Variants in EPS8 observed in about 807,000 individuals in gnomAD.
EPS8 encodes epidermal growth factor receptor kinase substrate 8.
EPS8 carries 42 observed loss-of-function variants against 103.8 expected under a neutral mutation model. That is an observed-to-expected ratio of 0.40 (90% CI 0.32 to 0.52). The LOEUF is 0.52. EPS8 is among the 20% of genes least tolerant of loss of function. The pLI is 0.40. For synonymous variants in EPS8, 344 were observed against 344.6 expected (o/e 1.00, Z 0.02); for missense variants, 969 against 1,005.1 (o/e 0.96, Z 0.49).
At chr12:15,670,804 T>G in intron 4 of EPS8, 52 bp downstream of exon 4, 1 of 1,240,760 alleles carries the variant, frequency 8.1e-7, no homozygotes, top group Non-Finnish European at 1.1e-6. Context: ...CTTCCAATTT[T>G]TATGTTCCTC....
chr12:15,788,367 G>GC (rs1051289973), intron 1 of EPS8, among the ~76,000 whole-genome samples: 7 of 152,130 alleles, frequency 4.6e-5, no homozygotes, highest in Non-Finnish European at 8.8e-5. Context: ...ACGGCGTCCT[G>GC]CCCCCCGCGA....
intron 15 of EPS8, among the ~76,000 whole-genome samples, chr12:15,644,384 T>G (rs559700869): frequency 1.3e-4 from 20 of 152,286 alleles, no homozygotes; most frequent in African/African-American, 4.8e-4. Flanking sequence ...CCACTTTTTT[T>G]TCCCCTTGTT....
At chr12:15,652,820 T>C (rs1030119560) in intron 13 of EPS8, among the ~76,000 whole-genome samples, 1 of 152,144 alleles carries the variant, frequency 6.6e-6, no homozygotes, top group Non-Finnish European at 1.5e-5. Context: ...TTGTATATGT[T>C]TCAATAGGAG....
intron 15 of EPS8, among the ~76,000 whole-genome samples, chr12:15,644,268 C>T (rs1485586852): frequency 2.0e-5 from 3 of 152,214 alleles, no homozygotes; most frequent in Non-Finnish European, 4.4e-5. Flanking sequence ...CGTCCGTTTT[C>T]TGTACGTCAC....
intron 20 of EPS8, among the ~76,000 whole-genome samples, chr12:15,622,272 A>T (rs1406288985): frequency 6.6e-6 from 1 of 152,224 alleles, no homozygotes; most frequent in Non-Finnish European, 1.5e-5. Context: ...ATGGAAAGCA[A>T]TCAAATCAAA....
Position 15,748,277 on chromosome 12 carries a change from C to A in EPS8, c.-22+40884G>T, listed in dbSNP as rs1241787277. Among the ~76,000 whole-genome samples, 1 of 152,092 alleles carries A rather than the reference C, an allele frequency of 6.6e-6. No homozygotes were observed. Among genetic ancestry groups the A allele is most frequent in the African/African-American group, 2.4e-5 (1 of 41,388 alleles). ...GTTTTGAAAACTTCGAAATTCTTCACAAATATCAATTAAAATATTATGAAG... is the reference window on the plus strand; with the variant it reads ...GTTTTGAAAACTTCGAAATTCTTCAAAAATATCAATTAAAATATTATGAAG... On this transcript the variant is annotated intron_variant, in intron 1 of 20. Transcript: ENST00000281172. This position sits in a 1 kb window ranked among gnomAD's most constrained non-coding sequence, Gnocchi z 4.8.
In EPS8 at chr12:15,714,311, C is replaced by T. The variant is rs907694326; in HGVS notation, c.-21-31339G>A. On this transcript the variant is annotated intron_variant, in intron 1 of 20. Coordinates refer to ENST00000281172, the MANE Select transcript of EPS8 (RefSeq NM_004447.6). This position sits in a 1 kb window ranked among gnomAD's most constrained non-coding sequence, Gnocchi z 4.1. ...TATAAAGAACATAAAACTAAAAAAT[C>T]TGTATGTTTTATAAAACCAAATTAT... Among the ~76,000 whole-genome samples, 2 of 152,098 alleles carry T rather than the reference C, an allele frequency of 1.3e-5. No homozygotes were observed. Among genetic ancestry groups the T allele is most frequent in the Non-Finnish European group, 2.9e-5 (2 of 68,010 alleles).
chr12:15,683,115 C>T (rs868701948), intron 1 of EPS8, 143 bp from the exon 2 acceptor site: 2 of 511,572 alleles, frequency 3.9e-6, no homozygotes, highest in African/African-American at 4.0e-5. Context: ...CCTCAAAGAG[C>T]TCAGGCCCCA....
intron 1 of EPS8, among the ~76,000 whole-genome samples, chr12:15,689,037 GC>G (rs1213690977): frequency 3.3e-5 from 5 of 152,172 alleles, no homozygotes; most frequent in African/African-American, 1.2e-4. Flanking sequence ...GACATTGCAT[GC>G]CCTGCGAGGG....
chr12:15,671,374 AG>A (rs1365121911), intron 3 of EPS8, among the ~76,000 whole-genome samples: 1 of 152,144 alleles, frequency 6.6e-6, no homozygotes, highest in African/African-American at 2.4e-5. Flanking sequence ...AGGCATTACA[AG>A]GAACATCTCC....
rs369867686 is a variant in EPS8, at chr12:15,669,705, C to G, written c.325G>C (p.Val109Leu). The G allele has an allele frequency of 4.3e-6, 7 of 1,612,702 alleles. No homozygotes were observed. Among genetic ancestry groups the G allele is most frequent in the Non-Finnish European group, 5.9e-6 (7 of 1,179,622 alleles). ...ATCAGGCTCACAGCTCTGTCATCCA[C>G]TTGAAGAATCATATCTTGAGTCCAC... ...KVWTQDMILQ[V>L]DDRAVSLIDL... is the part of the protein sequence containing the mutation. The change falls in exon 5 of 21, where the codon GTG becomes CTG. Residue 109 changes from valine (V) to leucine (L), a missense_variant. Coordinates refer to ENST00000281172, the MANE Select transcript of EPS8 (RefSeq NM_004447.6).
Position 15,669,822 on chromosome 12 carries a change from A to G in EPS8, c.208T>C (p.Leu70=). 1 of 1,592,400 alleles carries G rather than the reference A, an allele frequency of 6.3e-7. No individual in the cohort carries two copies. Among genetic ancestry groups the G allele is most frequent in the Non-Finnish European group, 8.5e-7 (1 of 1,171,142 alleles). ...TTCCGATCCAGGACAAAGGTAGTCA[A>G]GTGCTTACAATTGGCAAAAAGGAAA... ...SDISQYRVEH[L]TTFVLDRKDA... Residue 70 remains leucine, a synonymous_variant, in exon 5 of 21, where the codon TTG becomes CTG. Transcript: ENST00000281172.
Position 15,752,379 on chromosome 12 carries a change from G to A in EPS8, c.-22+36782C>T, listed in dbSNP as rs1379554264. 2.0e-5 allele frequency among the ~76,000 whole-genome samples: 3 copies of A among 151,896 alleles called. No homozygotes were observed. The highest frequency in any genetic ancestry group is 4.4e-5 in the Non-Finnish European group (3 of 67,976). On this transcript the variant is annotated intron_variant, in intron 1 of 20. Transcript: ENST00000281172. The surrounding 1 kb of genome is among the most constrained non-coding windows in gnomAD (Gnocchi z 4.4). Reference sequence around the variant, plus strand: ...GGAGAATGGCGTGAACCCGCGAGGCGGAGCTTGCAGTGAGCTGAGATCATG... The same window carrying A: ...GGAGAATGGCGTGAACCCGCGAGGCAGAGCTTGCAGTGAGCTGAGATCATG...
intron 14 of EPS8, among the ~76,000 whole-genome samples, chr12:15,648,060 A>C (rs1020453328): frequency 1.3e-5 from 2 of 152,324 alleles, no homozygotes; most frequent in South Asian, 2.1e-4. Flanking sequence ...GGCGCAGCTC[A>C]TCTGACAGGA....
intron 18 of EPS8, among the ~76,000 whole-genome samples, chr12:15,624,965 G>A (rs1565464083): frequency 1.3e-5 from 2 of 152,164 alleles, no homozygotes; most frequent in African/African-American, 4.8e-5. Context: ...TCCTACAGCA[G>A]AGAATAACCC....
chr12:15,676,364 C>A (rs1011523136), intron 3 of EPS8, among the ~76,000 whole-genome samples: 10 of 151,514 alleles, frequency 6.6e-5, no homozygotes, highest in Non-Finnish European at 1.3e-4. Flanking sequence ...TACCAGAAGC[C>A]ATGCTAGAAG....
rs561465953 is a variant in EPS8 at position 15,620,575 on chromosome 12, G to A, written c.*742C>T. The A allele has an allele frequency of 1.5e-4, 23 of 152,646 alleles. No homozygotes were observed. The highest frequency in any genetic ancestry group is 5.5e-4 in the African/African-American group (23 of 41,538). The allele number at this position is 152,646 out of a possible 1,614,324, so 9.5% of individuals were successfully genotyped here. ...CACACCAATGCAGACTACTTCCTTTGCTAGATTTTGAGAAGACATGACCTC... is the reference window on the plus strand; with the variant it reads ...CACACCAATGCAGACTACTTCCTTTACTAGATTTTGAGAAGACATGACCTC... On this transcript the variant is annotated 3_prime_UTR_variant, in exon 21 of 21. Coordinates refer to ENST00000281172, the MANE Select transcript of EPS8 (RefSeq NM_004447.6).
At chr12:15,674,235 G>A (rs1459062785) in intron 3 of EPS8, among the ~76,000 whole-genome samples, 2 of 152,042 alleles carry the variant, frequency 1.3e-5, no homozygotes, top group South Asian at 2.1e-4. Flanking sequence ...CTAATATTTA[G>A]AATTTTTTTT....
rs1565527804 is a variant in EPS8, at chr12:15,745,364, T to TA, written c.-22+43796dup. On this transcript the variant is annotated intron_variant, in intron 1 of 20. Transcript: ENST00000281172. The surrounding 1 kb of genome is among the most constrained non-coding windows in gnomAD (Gnocchi z 4.6). ...TTTGTGCGGGCCCTCCCCGTTCCCA[T>TA]AAAAAACATCAATAATTTATCATTA... Among the ~76,000 whole-genome samples, 1 of 152,036 alleles carries TA rather than the reference T, an allele frequency of 6.6e-6. No homozygotes were observed. The highest frequency in any genetic ancestry group is 1.5e-5 in the Non-Finnish European group (1 of 67,992).
Sources: gnomAD v4.1 joint callset for allele counts (sites outside exome capture counted in the v4.1 genomes callset) on GRCh38, gnomAD v4.1.1 for gene constraint, Gnocchi (gnomAD v3.1) non-coding constraint, MANE v1.5 for transcripts, NCBI Gene and HGNC (gene_info 2026-07-23, HGNC 2026-07-21) for gene names.